ST6GALNAC3: variants seen among roughly 807,000 people sequenced by gnomAD.
ST6GALNAC3 encodes ST6 N-acetylgalactosaminide alpha-2,6-sialyltransferase 3, also known as alpha-N-acetylgalactosaminide alpha-2,6-sialyltransferase 3.
A neutral mutation model predicts 32.7 loss-of-function variants in ST6GALNAC3; 25 were observed. The ratio of observed to expected loss-of-function variants is 0.76; its 90% confidence interval spans 0.56 to 1.07. ST6GALNAC3 has a LOEUF of 1.07. ST6GALNAC3 is among the 50% of genes least tolerant of loss of function. The probability of loss-of-function intolerance (pLI) is 0.00; values close to 1 mark genes in which losing one functional copy is unlikely to be tolerated. For synonymous variants in ST6GALNAC3, 129 were observed against 133.1 expected (o/e 0.97, Z 0.21); for missense variants, 355 against 382.4 (o/e 0.93, Z 0.60).
intron 1 of ST6GALNAC3, among the ~76,000 whole-genome samples, chr1:76,247,159 C>T (rs929707122): frequency 2.0e-5 from 3 of 152,192 alleles, no homozygotes; most frequent in Non-Finnish European, 4.4e-5. Flanking sequence ...TTGCTTCTTA[C>T]TCCTTCCTCT....
chr1:76,357,132 T>TTTTC (rs1553184107), intron 2 of ST6GALNAC3, among the ~76,000 whole-genome samples: 1 of 137,282 alleles, frequency 7.3e-6, no homozygotes, highest in African/African-American at 2.8e-5. Context: ...TTCTTTTTCT[T>TTTTC]TTTTTTTTTT....
At chr1:76,285,606 T>C (rs1659732594) in intron 1 of ST6GALNAC3, among the ~76,000 whole-genome samples, 1 of 144,318 alleles carries the variant, frequency 6.9e-6, no homozygotes, top group Admixed American at 7.1e-5. Flanking sequence ...GCCAATGTAG[T>C]CCTAAAATAT....
intron 1 of ST6GALNAC3, among the ~76,000 whole-genome samples, chr1:76,128,826 T>TA (rs1278771746): frequency 2.0e-5 from 3 of 152,160 alleles, no homozygotes; most frequent in Non-Finnish European, 4.4e-5. Context: ...TTTAGTCAGT[T>TA]AAAAAAGTCA....
intron 3 of ST6GALNAC3, among the ~76,000 whole-genome samples, chr1:76,478,045 G>A (rs1659468792): frequency 6.6e-6 from 1 of 152,168 alleles, no homozygotes; most frequent in Admixed American, 6.5e-5. Context: ...TGAGAAGGGA[G>A]CTGTGAGTGC....
chr1:76,603,409 A>G (rs1407002916), intron 3 of ST6GALNAC3, among the ~76,000 whole-genome samples: 1 of 152,240 alleles, frequency 6.6e-6, no homozygotes, highest in African/African-American at 2.4e-5. Context: ...AACTGCAGCC[A>G]TAAGCATTAA....
At chr1:76,289,858 C>G (rs937977852) in intron 1 of ST6GALNAC3, among the ~76,000 whole-genome samples, 1 of 152,198 alleles carries the variant, frequency 6.6e-6, no homozygotes, top group South Asian at 2.1e-4. Context: ...CCCCCTTCCA[C>G]AGGGTTCTTG....
At chr1:76,490,628 A>G (rs1448929674) in intron 3 of ST6GALNAC3, among the ~76,000 whole-genome samples, 2 of 151,758 alleles carry the variant, frequency 1.3e-5, no homozygotes, top group Non-Finnish European at 2.9e-5. Context: ...TCCTGGATGA[A>G]TACTCCACTT....
At chr1:76,487,093 C>G (rs1454410164) in intron 3 of ST6GALNAC3, among the ~76,000 whole-genome samples, 1 of 152,178 alleles carries the variant, frequency 6.6e-6, no homozygotes, top group African/African-American at 2.4e-5. Context: ...GCCAAGAGAT[C>G]AGCTGTTAGT....
chr1:76,490,682 G>A (rs914238485), intron 3 of ST6GALNAC3, among the ~76,000 whole-genome samples: 1 of 151,812 alleles, frequency 6.6e-6, no homozygotes, highest in Non-Finnish European at 1.5e-5. Context: ...AGAATAGAAA[G>A]TATTCTGGTC....
rs538647769 is a variant in ST6GALNAC3 at position 76,631,928 on chromosome 1, T to G, written c.*3122T>G. On this transcript the variant is annotated 3_prime_UTR_variant, in exon 5 of 5. Coordinates refer to ENST00000328299, the MANE Select transcript of ST6GALNAC3 (RefSeq NM_152996.4). ...GAAGTAGCAATGATTTACATTGTTATGATGATAATGTGAATAAGAAACCTT... is the reference window on the plus strand; with the variant it reads ...GAAGTAGCAATGATTTACATTGTTAGGATGATAATGTGAATAAGAAACCTT... The G allele has an allele frequency of 1.3e-5, 2 of 152,228 alleles. No individual in the cohort carries two copies. Among genetic ancestry groups the G allele is most frequent in the South Asian group, 4.1e-4 (2 of 4,824 alleles). The allele number at this position is 152,228 out of a possible 1,614,324, so 9.4% of individuals were successfully genotyped here. A position where few individuals can be genotyped will look rare whatever the true frequency, so the allele number is the denominator to read the frequency against.
chr1:76,121,250 C>G (rs962517583), intron 1 of ST6GALNAC3, among the ~76,000 whole-genome samples: 2 of 152,188 alleles, frequency 1.3e-5, no homozygotes, highest in African/African-American at 4.8e-5. Context: ...TACAAGGGAT[C>G]ACCCGTTGTT....
chr1:76,542,898 T>C (rs935190259), intron 3 of ST6GALNAC3, among the ~76,000 whole-genome samples: 1 of 152,158 alleles, frequency 6.6e-6, no homozygotes, highest in Non-Finnish European at 1.5e-5. Flanking sequence ...ACCTAACAGG[T>C]AATGTCACTG....
intron 1 of ST6GALNAC3, among the ~76,000 whole-genome samples, chr1:76,221,553 A>C (rs1202809337): frequency 6.6e-6 from 1 of 152,172 alleles, no homozygotes; most frequent in Non-Finnish European, 1.5e-5. Flanking sequence ...GTGCTCCCTG[A>C]GAATGTATCA....
chr1:76,524,946 G>GA (rs924322578), intron 3 of ST6GALNAC3, among the ~76,000 whole-genome samples: 3 of 151,330 alleles, frequency 2.0e-5, no homozygotes, highest in African/African-American at 7.3e-5. Flanking sequence ...CTTTAGAAAA[G>GA]AAAAAAATCC....
At chr1:76,486,210 G>A (rs1429464605) in intron 3 of ST6GALNAC3, among the ~76,000 whole-genome samples, 1 of 152,162 alleles carries the variant, frequency 6.6e-6, no homozygotes, top group African/African-American at 2.4e-5. Flanking sequence ...GTTGATTTGG[G>A]GTGGAGATTT....
intron 2 of ST6GALNAC3, among the ~76,000 whole-genome samples, chr1:76,321,949 A>G (rs1646975324): frequency 6.6e-6 from 1 of 152,180 alleles, no homozygotes; most frequent in African/African-American, 2.4e-5. Context: ...TTTTTTATTG[A>G]TGAAAAATCC....
intron 3 of ST6GALNAC3, among the ~76,000 whole-genome samples, chr1:76,485,073 C>T (rs947063575): frequency 6.6e-6 from 1 of 152,112 alleles, no homozygotes; most frequent in African/African-American, 2.4e-5. Context: ...GGAAGAAGCC[C>T]ACTTGATCAT....
At chr1:76,154,482 T>C (rs1055375106) in intron 1 of ST6GALNAC3, among the ~76,000 whole-genome samples, 2 of 152,220 alleles carry the variant, frequency 1.3e-5, no homozygotes, top group African/African-American at 2.4e-5. Context: ...GCAATATTAG[T>C]GTCTGGAAAC....
chr1:76,125,106 C>T (rs1243980874), intron 1 of ST6GALNAC3, among the ~76,000 whole-genome samples: 2 of 152,088 alleles, frequency 1.3e-5, no homozygotes, highest in African/African-American at 4.8e-5. Flanking sequence ...TTTAAAGTTT[C>T]CTATGTGGCA....
Sources: gnomAD v4.1 joint callset for allele counts (sites outside exome capture counted in the v4.1 genomes callset) on GRCh38, gnomAD v4.1.1 for gene constraint, MANE v1.5 for transcripts, NCBI Gene and HGNC (gene_info 2026-07-23, HGNC 2026-07-21) for gene names.